RALGAPA1: variants seen among roughly 807,000 people sequenced by gnomAD.
RALGAPA1 encodes ral GTPase-activating protein subunit alpha-1.
A neutral mutation model predicts 269.6 loss-of-function variants in RALGAPA1; 52 were observed. That is an observed-to-expected ratio of 0.19 (90% confidence interval 0.15 to 0.24). The LOEUF (loss-of-function observed/expected upper bound fraction) is 0.24. Ranked by LOEUF, RALGAPA1 falls within the 10% of genes least tolerant of loss-of-function variation. The pLI, the probability that RALGAPA1 is intolerant of heterozygous loss-of-function variation, is 1.00. For synonymous variants in RALGAPA1, 817 were observed against 1,008.3 expected, an observed-to-expected ratio of 0.81 and a Z score of 3.60; for missense variants, 1,917 against 3,013.9, an observed-to-expected ratio of 0.64 and a Z score of 8.52.
rs149484989 is a variant in RALGAPA1, at chr14:35,607,494, G to A, written c.6930-1785C>T. ...AGGGCAGAAGCTCCAGGAACAAAACGTTGAGAGTCTCAATCTTCCCCATTC... is the reference window on the plus strand; with the variant it reads ...AGGGCAGAAGCTCCAGGAACAAAACATTGAGAGTCTCAATCTTCCCCATTC... On this transcript the variant is annotated intron_variant, in intron 35 of 41. Transcript: ENST00000680220. Among the ~76,000 whole-genome samples, 28 of 152,302 alleles carry A rather than the reference G, an allele frequency of 1.8e-4. 1 individual carries two copies. In the South Asian group the frequency reaches 2.7e-3, roughly 15 times the overall value.
chr14:35,752,246 A>G, intron 7 of RALGAPA1, 84 bp from the exon 8 acceptor site: 2 of 1,344,796 alleles, frequency 1.5e-6, no homozygotes, highest in Non-Finnish European at 2.0e-6. Context: ...ACAAGCTTGT[A>G]AAAGGTTGCA....
At chr14:35,779,066 G>T (rs368558021) in intron 1 of RALGAPA1, among the ~76,000 whole-genome samples, 1 of 152,096 alleles carries the variant, frequency 6.6e-6, no homozygotes. Flanking sequence ...TGTAAAAAAA[G>T]AATACTAAAT....
chr14:35,624,798 TG>T (rs2060886549), intron 35 of RALGAPA1, among the ~76,000 whole-genome samples: 1 of 152,158 alleles, frequency 6.6e-6, no homozygotes, highest in Non-Finnish European at 1.5e-5. Context: ...TAATGAGAGA[TG>T]TGACTAAGGT....
At chr14:35,754,921 GACCA>G (rs1431863234) in intron 7 of RALGAPA1, among the ~76,000 whole-genome samples, 1 of 151,878 alleles carries the variant, frequency 6.6e-6, no homozygotes, top group Non-Finnish European at 1.5e-5. Flanking sequence ...AACAAAGCAA[GACCA>G]AAAAAACTAT....
intron 6 of RALGAPA1, among the ~76,000 whole-genome samples, chr14:35,760,451 A>G (rs950647963): frequency 6.6e-6 from 1 of 152,208 alleles, no homozygotes. Flanking sequence ...TCTACAGCCC[A>G]CTGGAATTAT....
intron 26 of RALGAPA1, among the ~76,000 whole-genome samples, chr14:35,665,252 T>C (rs1344955860): frequency 6.6e-6 from 1 of 152,206 alleles, no homozygotes; most frequent in Non-Finnish European, 1.5e-5. Flanking sequence ...GCATTGCCTA[T>C]ACCACTTACT....
Position 35,759,117 on chromosome 14 carries a change from C to T in RALGAPA1, c.547+1712G>A, listed in dbSNP as rs143645412. On this transcript the variant is annotated intron_variant, in intron 6 of 41. Transcript: ENST00000680220. ...CACTCAAAAACAAAACGCAACAAAA[C>T]AAAAAACTTCAAAATAACACATAAT... is the stretch of plus-strand genomic sequence containing the variant. Among the ~76,000 whole-genome samples the T allele has an allele frequency of 3.2e-3, 482 of 152,174 alleles. 3 individuals are homozygous for T. The highest frequency in any genetic ancestry group is 0.011 in the African/African-American group (459 of 41,520).
chr14:35,584,263 T>C (rs1407449962), intron 37 of RALGAPA1, among the ~76,000 whole-genome samples: 1 of 152,012 alleles, frequency 6.6e-6, no homozygotes, highest in Non-Finnish European at 1.5e-5. Context: ...ATATAAGCAG[T>C]ATAGAATAAT....
rs138375149 is a variant in RALGAPA1 at position 35,781,247 on chromosome 14, C to G, written c.107-5502G>C. On this transcript the variant is annotated intron_variant, in intron 1 of 41. Transcript: ENST00000680220. Reference sequence around the variant, plus strand: ...TGAGCAACTGTATGCTAGCAAATTACACAGCCTATATGAAATGAACAAATT... The same window carrying G: ...TGAGCAACTGTATGCTAGCAAATTAGACAGCCTATATGAAATGAACAAATT... Among the ~76,000 whole-genome samples the G allele has an allele frequency of 1.2e-4, 19 of 152,182 alleles. 1 individual carries two copies. Among genetic ancestry groups the G allele is most frequent in the African/African-American group, 3.9e-4 (16 of 41,524 alleles).
chr14:35,637,329 A>G (rs992711132), intron 31 of RALGAPA1, among the ~76,000 whole-genome samples: 3 of 152,212 alleles, frequency 2.0e-5, no homozygotes, highest in African/African-American at 4.8e-5. Context: ...TAACACAGAG[A>G]AGAAATTCAG....
At chr14:35,799,254 C>T (rs2076801673) in intron 1 of RALGAPA1, among the ~76,000 whole-genome samples, 1 of 151,842 alleles carries the variant, frequency 6.6e-6, no homozygotes, top group African/African-American at 2.4e-5. Context: ...GGTGTACACT[C>T]TGGCAAGTTA....
chr14:35,737,455 A>G (rs2071106923), intron 12 of RALGAPA1, among the ~76,000 whole-genome samples: 1 of 152,050 alleles, frequency 6.6e-6, no homozygotes, highest in Non-Finnish European at 1.5e-5. Flanking sequence ...ATATAAAAAT[A>G]CATGTATAAG....
At chr14:35,748,562 A>T (rs1284608207) in intron 10 of RALGAPA1, 23 bp downstream of exon 10, 1 of 1,578,020 alleles carries the variant, frequency 6.3e-7, no homozygotes, top group African/African-American at 1.4e-5. Context: ...CTTATAAATT[A>T]AAAATACTGA....
At chr14:35,700,071 C>T in intron 17 of RALGAPA1, 91 bp downstream of exon 17, 1 of 1,185,774 alleles carries the variant, frequency 8.4e-7, no homozygotes, top group South Asian at 1.7e-5. Context: ...AAGAAATTAA[C>T]TTTAAAGAGT....
intron 39 of RALGAPA1, among the ~76,000 whole-genome samples, chr14:35,551,990 A>G (rs956646583): frequency 5.3e-5 from 8 of 152,204 alleles, no homozygotes; most frequent in African/African-American, 1.9e-4. Context: ...CTCATCACTT[A>G]TTAGGTAAGT....
At chr14:35,661,867 GGA>G (rs747001214) in intron 27 of RALGAPA1, among the ~76,000 whole-genome samples, 2 of 151,822 alleles carry the variant, frequency 1.3e-5, no homozygotes, top group African/African-American at 4.8e-5. Flanking sequence ...TACAGTCCAG[GGA>G]GAGAGAGAGA....
Position 35,627,293 on chromosome 14 carries a change from G to A in RALGAPA1, c.6654C>T (p.Cys2218=). 1.9e-6 allele frequency: 3 copies of A among 1,609,368 alleles called. No individual in the cohort carries two copies. Among genetic ancestry groups the A allele is most frequent in the Non-Finnish European group, 2.5e-6 (3 of 1,178,858 alleles). ...SLNIPAPQPV[C]ISEKQENDVI... ...CATCATTTTCTTGTTTTTCAGAAAT[G>A]CACACAGGTTGTGGAGCAGGAATAT... Residue 2218 remains cysteine, a synonymous_variant, in exon 34 of 42, where the codon TGC becomes TGT. Coordinates refer to ENST00000680220, the MANE Select transcript of RALGAPA1 (RefSeq NM_001346249.2).
intron 39 of RALGAPA1, among the ~76,000 whole-genome samples, chr14:35,569,285 T>C (rs1405707348): frequency 6.6e-6 from 1 of 152,162 alleles, no homozygotes. Context: ...TTACAGTTTA[T>C]TATATAAAAA....
chr14:35,577,002 C>G (rs1199304732), intron 37 of RALGAPA1, among the ~76,000 whole-genome samples: 1 of 152,174 alleles, frequency 6.6e-6, no homozygotes, highest in African/African-American at 2.4e-5. Context: ...TTATTGCAGT[C>G]TATGGTTTTC....
Sources: allele counts gnomAD v4.1 joint callset (sites outside exome capture counted in the v4.1 genomes callset), GRCh38; gene constraint gnomAD v4.1.1; transcripts MANE v1.5; gene names NCBI Gene and HGNC (gene_info 2026-07-23, HGNC 2026-07-21).